Variants in PTGER4 observed in about 807,000 individuals in gnomAD.
PTGER4 encodes the protein prostaglandin E2 receptor EP4 subtype.
In PTGER4, 11 loss-of-function variants were observed where a neutral mutation model predicts 33.2. The observed-to-expected ratio is 0.33, with a 90% CI of 0.21 to 0.55. The LOEUF is 0.55. PTGER4 is among the 20% of genes least tolerant of loss of function. The pLI, the probability that PTGER4 is intolerant of heterozygous loss-of-function variation, is 0.92. For synonymous variants in PTGER4, 275 were observed against 281.5 expected (o/e 0.98, Z 0.23); for missense variants, 481 against 650.2 (o/e 0.74, Z 2.83).
the PTGER4 span, among the ~76,000 whole-genome samples, chr5:40,722,646 G>T: frequency 6.6e-6 from 1 of 151,716 alleles, no homozygotes; most frequent in Non-Finnish European, 1.5e-5. Context: ...CCCCGTCTGG[G>T]AAGTGAGGCG....
At position 40,693,182 on chromosome 5, in the gene PTGER4, T is replaced by G; in HGVS notation, c.*804T>G. On this transcript the variant is annotated 3_prime_UTR_variant, in exon 3 of 3. Transcript: ENST00000302472. ...TATTACATTTATTTATCCAGAAAACTGTGATTTCAGGAGAACCTAACATGC... is the reference window on the plus strand; with the variant it reads ...TATTACATTTATTTATCCAGAAAACGGTGATTTCAGGAGAACCTAACATGC... 2.0e-6 allele frequency: 2 copies of G among 979,102 alleles called. No individual in the cohort carries two copies. The highest frequency in any genetic ancestry group is 2.4e-6 in the Non-Finnish European group (2 of 823,774). The allele number at this position is 979,102 out of a possible 1,614,324, so 60.7% of individuals were successfully genotyped here.
chr5:40,738,034 G>A, the PTGER4 span, among the ~76,000 whole-genome samples: 1 of 152,194 alleles, frequency 6.6e-6, no homozygotes, highest in Non-Finnish European at 1.5e-5. Flanking sequence ...AACAGTCTTT[G>A]TGTGGATATA....
At chr5:40,731,707 G>A in the PTGER4 span, among the ~76,000 whole-genome samples, 1 of 152,176 alleles carries the variant, frequency 6.6e-6, no homozygotes, top group Non-Finnish European at 1.5e-5. Context: ...TACAATTCAA[G>A]GTGAGATTTG....
chr5:40,692,624 G>C lies in PTGER4; in HGVS notation c.*246G>C. On this transcript the variant is annotated 3_prime_UTR_variant, in exon 3 of 3. Transcript: ENST00000302472. Reference sequence around the variant, plus strand: ...ATTGTGGTCACAACTTGATGGCTGCGAAGACCTACCCTCCGTTTTTCTACT... The same window carrying C: ...ATTGTGGTCACAACTTGATGGCTGCCAAGACCTACCCTCCGTTTTTCTACT... The C allele has an allele frequency of 8.1e-7, 1 of 1,234,372 alleles. No homozygotes were observed. The highest frequency in any genetic ancestry group is 2.5e-5 in the South Asian group (1 of 39,494). 76.5% of individuals were successfully genotyped at this position (1,234,372 alleles called of 1,614,324 possible).
chr5:40,716,436 T>G, the PTGER4 span: 1 of 1,613,800 alleles, frequency 6.2e-7, no homozygotes, highest in Non-Finnish European at 8.5e-7. Context: ...AAGAGAGGTC[T>G]TCTTTCCATA....
chr5:40,745,644 C>A, the PTGER4 span, among the ~76,000 whole-genome samples: 17,033 of 151,470 alleles, frequency 0.11, 1,288 homozygotes, highest in Non-Finnish European at 0.17. Flanking sequence ...CTGCCTCGGC[C>A]TCTCAAAGCA....
At chr5:40,705,340 A>T in the PTGER4 span, among the ~76,000 whole-genome samples, 2 of 152,218 alleles carry the variant, frequency 1.3e-5, no homozygotes, top group Non-Finnish European at 2.9e-5. Context: ...AGTATTAAAG[A>T]GTTACATGTA....
At chr5:40,736,175 TAGGCACAAATACAGTA>T in the PTGER4 span, among the ~76,000 whole-genome samples, 1 of 152,156 alleles carries the variant, frequency 6.6e-6, no homozygotes, top group African/African-American at 2.4e-5. Context: ...ACAGATCATA[TAGGCACAAATACAGTA>T]AGGTTGGAAG....
At position 40,681,086 on chromosome 5, in the gene PTGER4, G is replaced by A. The variant is rs1419855468; in HGVS notation, c.93G>A (p.Gly31=). 6.2e-7 allele frequency: 1 copy of A among 1,614,106 alleles called. No individual in the cohort carries two copies. The highest frequency in any genetic ancestry group is 1.1e-5 in the South Asian group (1 of 91,072). ...TCCCGGCGGTGATGTTCATCTTCGG[G>A]GTGGTGGGCAACCTGGTGGCCATCG... is the stretch of plus-strand genomic sequence containing the variant. The part of the protein sequence containing the change: ...VTIPAVMFIF[G]VVGNLVAIVV... Residue 31 remains glycine, a synonymous_variant, in exon 2 of 3, where the codon GGG becomes GGA. Transcript: ENST00000302472. This position sits in a 1 kb window ranked among gnomAD's most constrained non-coding sequence, Gnocchi z 9.8.
At chr5:40,743,590 T>C in the PTGER4 span, among the ~76,000 whole-genome samples, 2 of 151,948 alleles carry the variant, frequency 1.3e-5, no homozygotes, top group African/African-American at 2.4e-5. Context: ...CTGGCCAACA[T>C]GGCGAAATCC....
At chr5:40,699,987 C>T in the PTGER4 span, among the ~76,000 whole-genome samples, 1 of 152,096 alleles carries the variant, frequency 6.6e-6, no homozygotes, top group Admixed American at 6.5e-5. Flanking sequence ...AAAAGACATA[C>T]AGTTTGGAAA....
rs867571011 is a variant in PTGER4 at position 40,681,789 on chromosome 5, G to A, written c.796G>A (p.Ala266Thr). The change falls in exon 2 of 3, where the codon GCC becomes ACC. Residue 266 changes from alanine to threonine, a missense_variant. By Grantham distance (58) the Ala-to-Thr change is moderately conservative (BLOSUM62 0). This residue lies in a region of PTGER4 where 174 missense variants were observed against 210.5 expected (regional missense o/e 0.83). Transcript: ENST00000302472. This position sits in a 1 kb window ranked among gnomAD's most constrained non-coding sequence, Gnocchi z 9.8. The part of the protein sequence containing the change: ...RRRSFRRIAG[A>T]EIQMVILLIA... ...CCGGAGCTTCCGCCGCATCGCGGGC[G>A]CCGAGATCCAGATGGTCATCTTACT... is the stretch of plus-strand genomic sequence containing the variant. The A allele has an allele frequency of 1.3e-6, 2 of 1,594,386 alleles. No homozygotes were observed. The highest frequency in any genetic ancestry group is 8.5e-7 in the Non-Finnish European group (1 of 1,173,548).
the PTGER4 span, among the ~76,000 whole-genome samples, chr5:40,709,434 C>T: frequency 4.6e-5 from 7 of 152,034 alleles, no homozygotes; most frequent in East Asian, 5.8e-4. Flanking sequence ...CCATTCACAA[C>T]TGCTTCAAAG....
intron 2 of PTGER4, among the ~76,000 whole-genome samples, chr5:40,685,853 T>C (rs1410034324): frequency 1.3e-5 from 2 of 152,336 alleles, no homozygotes; most frequent in Admixed American, 6.5e-5. Flanking sequence ...TTGTATTGAA[T>C]ATCTCCTAAC....
At chr5:40,723,530 A>G in the PTGER4 span, among the ~76,000 whole-genome samples, 1 of 145,394 alleles carries the variant, frequency 6.9e-6, no homozygotes, top group Non-Finnish European at 1.5e-5. Context: ...AAAAAAAAAG[A>G]AATATCACCT....
chr5:40,744,105 G>T, the PTGER4 span, among the ~76,000 whole-genome samples: 2 of 152,178 alleles, frequency 1.3e-5, no homozygotes, highest in African/African-American at 2.4e-5. Context: ...AGTTCCTAAA[G>T]ATGTTTTATG....
chr5:40,722,160 G>T, the PTGER4 span, among the ~76,000 whole-genome samples: 51,912 of 151,788 alleles, frequency 0.34, 9,941 homozygotes, highest in Admixed American at 0.45. Flanking sequence ...AGCCGAGATC[G>T]CACCATGTCA....
chr5:40,690,840 C>A (rs1413620574), intron 2 of PTGER4, among the ~76,000 whole-genome samples: 1 of 152,140 alleles, frequency 6.6e-6, no homozygotes, highest in African/African-American at 2.4e-5. Flanking sequence ...AAAGCACTCA[C>A]AGAAATGAAG....
chr5:40,719,412 C>T, the PTGER4 span, among the ~76,000 whole-genome samples: 1,447 of 152,242 alleles, frequency 9.5e-3, 26 homozygotes, highest in African/African-American at 0.033. Flanking sequence ...AATAATATTT[C>T]ATTGTATGGA....
Sources: allele counts gnomAD v4.1 joint callset (sites outside exome capture counted in the v4.1 genomes callset), GRCh38; gene constraint gnomAD v4.1.1; regional missense constraint gnomAD v4.1.1; non-coding constraint Gnocchi (gnomAD v3.1); transcripts MANE v1.5; gene names NCBI Gene and HGNC (gene_info 2026-07-23, HGNC 2026-07-21).